FANCE: variants seen among roughly 807,000 people sequenced by gnomAD.
FANCE encodes the protein Fanconi anemia group E protein.
A neutral mutation model predicts 57.8 loss-of-function variants in FANCE; 42 were observed. The observed-to-expected ratio is 0.73, with a 90% CI of 0.57 to 0.94. FANCE has a LOEUF of 0.94. Among genes scored for constraint, FANCE ranks in the 40% least tolerant of loss-of-function variants. The pLI is 0.00. For missense variants in FANCE, 608 were observed against 661.8 expected, an observed-to-expected ratio of 0.92 and a Z score of 0.89; for synonymous variants, 251 against 286.4, an observed-to-expected ratio of 0.88 and a Z score of 1.25.
At position 35,466,231 on chromosome 6, in the gene FANCE, T is replaced by A; in HGVS notation, c.1510-13T>A. 3 of 1,569,240 alleles carry A rather than the reference T, an allele frequency of 1.9e-6. No homozygotes were observed. The highest frequency in any genetic ancestry group is 2.6e-6 in the Non-Finnish European group (3 of 1,139,036). On this transcript the variant is annotated splice_polypyrimidine_tract_variant and intron_variant, in intron 9 of 9. Transcript: ENST00000229769. ...GTTGCTGGAGTCCTGACATGATTTTTCCTTCTCCCCAGATCACTGAGACCC... is the reference window on the plus strand; with the variant it reads ...GTTGCTGGAGTCCTGACATGATTTTACCTTCTCCCCAGATCACTGAGACCC...
chr6:35,461,726 C>T (rs1373140505), intron 8 of FANCE, among the ~76,000 whole-genome samples: 2 of 151,124 alleles, frequency 1.3e-5, no homozygotes, highest in African/African-American at 4.9e-5. Flanking sequence ...CAGCTCACTG[C>T]AAGCTCTGCC....
intron 8 of FANCE, among the ~76,000 whole-genome samples, chr6:35,460,921 A>G (rs965004203): frequency 2.0e-5 from 3 of 147,128 alleles, no homozygotes; most frequent in Non-Finnish European, 4.4e-5. Context: ...TATGTTCACA[A>G]ATTTTTTTTT....
At position 35,462,786 on chromosome 6, in the gene FANCE, C is replaced by T. The variant is rs1767643028; in HGVS notation, c.1384-3C>T. On this transcript the variant is annotated splice_region_variant and splice_polypyrimidine_tract_variant and intron_variant, in intron 8 of 9. Coordinates refer to ENST00000229769, the MANE Select transcript of FANCE (RefSeq NM_021922.3). ...TTACTGCTCCATCTCCCAATGTGTG[C>T]AGGTGGAGATGACCCCTGAGAAGTT... 2 of 1,613,896 alleles carry T rather than the reference C, an allele frequency of 1.2e-6. No individual in the cohort carries two copies. The highest frequency in any genetic ancestry group is 2.2e-5 in the East Asian group (1 of 44,894).
At chr6:35,459,947 A>C (rs1349994727) in intron 7 of FANCE, among the ~76,000 whole-genome samples, 187 bp downstream of exon 7, 4 of 151,194 alleles carry the variant, frequency 2.6e-5, no homozygotes, top group African/African-American at 9.7e-5. Flanking sequence ...TGCACTTTCT[A>C]CTCCTAGTTA....
intron 5 of FANCE, 130 bp from the exon 6 acceptor site, chr6:35,459,201 G>A: frequency 8.4e-7 from 1 of 1,190,938 alleles, no homozygotes; most frequent in Non-Finnish European, 1.2e-6. Flanking sequence ...GGGTCCATGT[G>A]AGTTCTAAAT....
In FANCE at chr6:35,458,308, G is replaced by C; in HGVS notation, c.981G>C (p.Leu327=). ...CACTCTGTAAGCAGATGGACTTGCT[G>C]TGTGCCCAGCTGCAGCTCCCTCAGC... ...HECSPSQMDL[L]CAQLQLPQLS... is the part of the protein sequence containing the mutation. Residue 327 remains leucine (L), a synonymous_variant, in exon 5 of 10, where the codon CTG becomes CTC. Transcript: ENST00000229769. 1 of 1,613,966 alleles carries C rather than the reference G, an allele frequency of 6.2e-7. No individual in the cohort carries two copies. The highest frequency in any genetic ancestry group is 8.5e-7 in the Non-Finnish European group (1 of 1,180,038).
At chr6:35,458,133 T>A in intron 4 of FANCE, 149 bp downstream of exon 4, 1 of 1,219,440 alleles carries the variant, frequency 8.2e-7, no homozygotes. Context: ...CCCTGTGTAG[T>A]ATCTTTTAGC....
chr6:35,466,239 C>T lies in FANCE; in HGVS notation c.1510-5C>T. On this transcript the variant is annotated splice_polypyrimidine_tract_variant and splice_region_variant and intron_variant, in intron 9 of 9. Coordinates refer to ENST00000229769, the MANE Select transcript of FANCE (RefSeq NM_021922.3). ...AGTCCTGACATGATTTTTCCTTCTC[C>T]CCAGATCACTGAGACCCAGAGGCTG... The T allele has an allele frequency of 1.3e-6, 2 of 1,595,974 alleles. No individual in the cohort carries two copies. The highest frequency in any genetic ancestry group is 1.7e-6 in the Non-Finnish European group (2 of 1,163,470).
chr6:35,459,650 C>T (rs774433312), intron 6 of FANCE, 32 bp from the exon 7 acceptor site: 2 of 1,610,570 alleles, frequency 1.2e-6, no homozygotes, highest in South Asian at 1.1e-5. Flanking sequence ...CCATTTCCCC[C>T]CAGACTTCCC....
Position 35,459,353 on chromosome 6 carries a change from C to T in FANCE, c.1136C>T (p.Ala379Val), listed in dbSNP as rs1233194875. 1 of 1,614,070 alleles carries T rather than the reference C, an allele frequency of 6.2e-7. No individual in the cohort carries two copies. The highest frequency in any genetic ancestry group is 8.5e-7 in the Non-Finnish European group (1 of 1,180,026). ...TAGATCCTCTCCTTGACTTCCTCAG[C>T]CTCCCGCCTGCTTACAACTGCCCTG... ...LGRILSLTSSASRLLTTALTS... is the reference protein window; with the variant it reads ...LGRILSLTSSVSRLLTTALTS... The change falls in exon 6 of 10, where the codon GCC (alanine) becomes GTC (valine). Residue 379 changes from alanine (A) to valine (V), a missense_variant. By Grantham distance (64) the Ala-to-Val change is moderately conservative. Transcript: ENST00000229769.
intron 7 of FANCE, 56 bp from the exon 8 acceptor site, chr6:35,460,496 A>G: frequency 1.3e-6 from 2 of 1,526,350 alleles, no homozygotes; most frequent in Admixed American, 3.3e-5. Flanking sequence ...CAGCAGATAG[A>G]TACTCAGGCT....
At chr6:35,465,957 T>C (rs1218713638) in intron 9 of FANCE, among the ~76,000 whole-genome samples, 1 of 152,196 alleles carries the variant, frequency 6.6e-6, no homozygotes, top group Non-Finnish European at 1.5e-5. Flanking sequence ...ATATGATGTA[T>C]ATGTATGTTT....
rs768911543 is a variant in FANCE, at chr6:35,455,796, T to A, written c.298T>A (p.Ser100Thr). The change falls in exon 2 of 10, where the codon TCC becomes ACC. Residue 100 changes from serine (S) to threonine (T), a missense_variant. Ser to Thr is a moderately conservative substitution (Grantham distance 58). Transcript: ENST00000229769. ...LPRICQRNLM[S>T]LLMAVRPSLP... is the part of the protein sequence containing the mutation. ...CCGGATATGCCAGAGGAACCTGATG[T>A]CCCTGCTGATGGCCGTTCGGCCATC... 74 of 1,614,048 alleles carry A rather than the reference T, an allele frequency of 4.6e-5. No homozygotes were observed. In the Admixed American group the frequency reaches 5.5e-4, roughly 12 times the overall value.
At position 35,458,022 on chromosome 6, in the gene FANCE, C is replaced by T. The variant is rs993328697; in HGVS notation, c.969+38C>T. ...GACTGCCTGGCTCTGAGGTTACATT[C>T]TCTGTCCCTTATCTTTTTCTATTTA... On this transcript the variant is annotated intron_variant, in intron 4 of 9. Transcript: ENST00000229769. 1.2e-5 allele frequency: 18 copies of T among 1,551,880 alleles called. No homozygotes were observed. In the African/African-American group the frequency reaches 2.3e-4, roughly 20 times the overall value.
In FANCE at chr6:35,456,062, AGAG is replaced by A. The variant is rs771333053; in HGVS notation, c.568_570del (p.Glu190del). ...CCCCCCAGGCTCCAGACCCTGAAGA[AGAG>A]GAGAACAGGGACTCCCAGCAGCCTG... is the stretch of plus-strand genomic sequence containing the variant. On this transcript the variant is annotated inframe_deletion, in exon 2 of 10. Coordinates refer to ENST00000229769, the MANE Select transcript of FANCE (RefSeq NM_021922.3). This position sits in a 1 kb window ranked among gnomAD's most constrained non-coding sequence, Gnocchi z 4.3. 4.3e-6 allele frequency: 7 copies of A among 1,613,460 alleles called. No homozygotes were observed. The African/African-American group carries it at 8.0e-5, about 18-fold the overall frequency.
chr6:35,452,804 G>C lies in FANCE; in HGVS notation c.248+11G>C, dbSNP rs1315706457. ...CGGCCGTCTGGAGCTGTAAGTCCTC[G>C]CCCGCGGCCCCTTAGCAGGTATGGG... On this transcript the variant is annotated intron_variant, in intron 1 of 9. Transcript: ENST00000229769. 5 of 1,312,742 alleles carry C rather than the reference G, an allele frequency of 3.8e-6. No homozygotes were observed. The highest frequency in any genetic ancestry group is 4.9e-6 in the Non-Finnish European group (5 of 1,024,502). 81.3% of individuals were successfully genotyped at this position (1,312,742 alleles called of 1,614,324 possible).
In FANCE at chr6:35,454,405, A is replaced by G. The variant is rs375735863; in HGVS notation, c.249-1342A>G. Among the ~76,000 whole-genome samples, 36 of 152,220 alleles carry G rather than the reference A, an allele frequency of 2.4e-4. No individual in the cohort carries two copies. The East Asian group carries it at 4.4e-3, about 19-fold the overall frequency. Reference sequence around the variant, plus strand: ...TTTGACTCTAGTTTTTCTCTCTCACATAGTGTCTATATTCCACAAAGAAAT... The same window carrying G: ...TTTGACTCTAGTTTTTCTCTCTCACGTAGTGTCTATATTCCACAAAGAAAT... On this transcript the variant is annotated intron_variant, in intron 1 of 9. Coordinates refer to ENST00000229769, the MANE Select transcript of FANCE (RefSeq NM_021922.3).
At chr6:35,463,054 A>G in intron 9 of FANCE, 140 bp downstream of exon 9, 1 of 1,203,588 alleles carries the variant, frequency 8.3e-7, no homozygotes, top group East Asian at 2.4e-5. Flanking sequence ...TAATCTCAGC[A>G]CTTTGGGAGG....
chr6:35,459,934 C>T (rs189421089), intron 7 of FANCE, among the ~76,000 whole-genome samples, 174 bp downstream of exon 7: 44 of 152,246 alleles, frequency 2.9e-4, no homozygotes, highest in African/African-American at 1.0e-3. Flanking sequence ...TTTGTTCTCA[C>T]GATGCACTTT....
Sources: allele counts gnomAD v4.1 joint callset (sites outside exome capture counted in the v4.1 genomes callset), GRCh38; gene constraint gnomAD v4.1.1; non-coding constraint Gnocchi (gnomAD v3.1); transcripts MANE v1.5; gene names NCBI Gene and HGNC (gene_info 2026-07-23, HGNC 2026-07-21).